CFAP161: variants seen among roughly 807,000 people sequenced by gnomAD.
The protein encoded by CFAP161 is cilia and flagella associated protein 161, also known as cilia- and flagella-associated protein 161.
In CFAP161, 25 loss-of-function variants were observed where a neutral mutation model predicts 29.0. The observed-to-expected ratio is 0.86, with a 90% CI of 0.63 to 1.20. The LOEUF is 1.20. Among genes scored for constraint, CFAP161 ranks in the 50% most tolerant of loss-of-function variants. The pLI is 0.00. For synonymous variants in CFAP161, 116 were observed against 137.4 expected (o/e 0.84, Z 1.09); for missense variants, 367 against 371.9 (o/e 0.99, Z 0.11).
upstream of CFAP161, among the ~76,000 whole-genome samples, chr15:81,133,207 A>G (rs1282596839): frequency 4.2e-3 from 193 of 46,014 alleles, 10 homozygotes; most frequent in Middle Eastern, 7.7e-3. Flanking sequence ...ATATATATAT[A>G]TATATATATA....
rs1566979472 is a variant in CFAP161, at chr15:81,147,848, ATC to A, written c.637-8_637-7del. 7.0e-6 allele frequency: 11 copies of A among 1,580,042 alleles called. No homozygotes were observed. The highest frequency in any genetic ancestry group is 3.3e-4 in the Middle Eastern group (2 of 5,992). ...AGAATGCTAATAACACATTTTCTTT[ATC>A]TGTTAAGGCAAATGCTAAAATTCTC... On this transcript the variant is annotated splice_polypyrimidine_tract_variant and splice_region_variant and intron_variant, in intron 5 of 6. Transcript: ENST00000286732.
upstream of CFAP161, among the ~76,000 whole-genome samples, chr15:81,130,655 G>A (rs544272522): frequency 1.6e-4 from 24 of 152,304 alleles, no homozygotes; most frequent in South Asian, 2.9e-3. Flanking sequence ...AGCCAAGATC[G>A]TGCCACTGCA....
chr15:81,139,641 G>A (rs1333541261), intron 4 of CFAP161, among the ~76,000 whole-genome samples: 1 of 152,152 alleles, frequency 6.6e-6, no homozygotes, highest in East Asian at 1.9e-4. Context: ...CTTTTGGGCA[G>A]TTGGGTTTGG....
chr15:81,139,454 A>G (rs191706331), intron 4 of CFAP161, among the ~76,000 whole-genome samples: 4 of 152,318 alleles, frequency 2.6e-5, no homozygotes, highest in African/African-American at 9.6e-5. Context: ...TAGCACCATT[A>G]ACATTTTGGT....
At chr15:81,113,027 A>G (rs1894456868) in intron 1 of CFAP161, among the ~76,000 whole-genome samples, 1 of 152,240 alleles carries the variant, frequency 6.6e-6, no homozygotes, top group African/African-American at 2.4e-5. Context: ...AATCACATGT[A>G]AAATGAATAT....
intron 1 of CFAP161, among the ~76,000 whole-genome samples, chr15:81,124,674 C>T (rs1894618266): frequency 6.6e-6 from 1 of 152,020 alleles, no homozygotes; most frequent in Non-Finnish European, 1.5e-5. Flanking sequence ...CTAATTACTG[C>T]CTCAATTTCG....
At chr15:81,108,321 T>C (rs1489257183) in intron 1 of CFAP161, among the ~76,000 whole-genome samples, 1 of 151,384 alleles carries the variant, frequency 6.6e-6, no homozygotes, top group African/African-American at 2.5e-5. Flanking sequence ...TATATTTTTC[T>C]GAAGCCATAA....
At chr15:81,128,218 TG>T (rs1421370513) in intron 2 of CFAP161, among the ~76,000 whole-genome samples, 1 of 152,218 alleles carries the variant, frequency 6.6e-6, no homozygotes, top group Non-Finnish European at 1.5e-5. Flanking sequence ...TTAGTGACTC[TG>T]TTTTAATTCT....
intron 1 of CFAP161, among the ~76,000 whole-genome samples, chr15:81,108,830 G>A (rs11635219): frequency 0.019 from 2,839 of 152,302 alleles, 37 homozygotes; most frequent in Non-Finnish European, 0.028. Context: ...TAGTCCAGCT[G>A]TAAAGAATTG....
chr15:81,115,117 A>G (rs1239926335), intron 1 of CFAP161, among the ~76,000 whole-genome samples: 2 of 152,170 alleles, frequency 1.3e-5, no homozygotes, highest in Non-Finnish European at 2.9e-5. Flanking sequence ...ACTTTTGTGC[A>G]AGGTTGTGGT....
At chr15:81,103,265 T>A (rs1315782844) in intron 1 of CFAP161, among the ~76,000 whole-genome samples, 1 of 152,210 alleles carries the variant, frequency 6.6e-6, no homozygotes, top group African/African-American at 2.4e-5. Context: ...GGCTCATAAC[T>A]CCCATAACAC....
chr15:81,100,704 C>CTCTCTA (rs373427489), intron 1 of CFAP161, among the ~76,000 whole-genome samples: 175 of 148,650 alleles, frequency 1.2e-3, no homozygotes, highest in Middle Eastern at 3.3e-3. Context: ...CTCTCTCTCT[C>CTCTCTA]TTTTTTTTTT....
At position 81,108,464 on chromosome 15, in the gene CFAP161, G is replaced by A. The variant is rs142300722; in HGVS notation, c.-141-19126G>A. On this transcript the variant is annotated intron_variant, in intron 1 of 4. Coordinates refer to the CFAP161 transcript ENST00000560091. ...AAAGGCCCTGGACAAAAAGTCAAGT[G>A]ACATTAATTCTAGCCCCTGCTCTTC... is the stretch of plus-strand genomic sequence containing the variant. Among the ~76,000 whole-genome samples, 73 of 152,192 alleles carry A rather than the reference G, an allele frequency of 4.8e-4. 1 individual carries two copies. Among genetic ancestry groups the A allele is most frequent in the African/African-American group, 1.5e-3 (64 of 41,538 alleles).
chr15:81,137,552 C>T (rs1404286102), intron 3 of CFAP161, among the ~76,000 whole-genome samples: 1 of 152,264 alleles, frequency 6.6e-6, no homozygotes, highest in East Asian at 1.9e-4. Context: ...GCCAAGATTG[C>T]ACCACTGAAC....
At chr15:81,110,027 T>A (rs184368138) in intron 1 of CFAP161, among the ~76,000 whole-genome samples, 2 of 152,310 alleles carry the variant, frequency 1.3e-5, no homozygotes, top group East Asian at 3.9e-4. Context: ...GCAGAATCCA[T>A]GTAGCTCTGA....
At chr15:81,100,556 T>C (rs1176918657) in intron 1 of CFAP161, among the ~76,000 whole-genome samples, 3 of 152,164 alleles carry the variant, frequency 2.0e-5, no homozygotes, top group African/African-American at 7.2e-5. Flanking sequence ...TTCCATTGCC[T>C]ACAATTTTCT....
intron 1 of CFAP161, among the ~76,000 whole-genome samples, chr15:81,125,556 T>C (rs759700537): frequency 2.1e-4 from 32 of 152,236 alleles, no homozygotes; most frequent in Non-Finnish European, 3.8e-4. Flanking sequence ...AAGACATTTT[T>C]ATTTTTATGT....
At chr15:81,128,484 C>T (rs1894669084) in intron 2 of CFAP161, among the ~76,000 whole-genome samples, 1 of 152,228 alleles carries the variant, frequency 6.6e-6, no homozygotes, top group African/African-American at 2.4e-5. Context: ...CTCCTCAAGA[C>T]TGCAGCTCCA....
upstream of CFAP161, among the ~76,000 whole-genome samples, chr15:81,132,560 T>G (rs531846706): frequency 6.6e-6 from 1 of 152,284 alleles, no homozygotes; most frequent in African/African-American, 2.4e-5. Flanking sequence ...TTAAAGCAAT[T>G]GTATAAAACA....
Sources: allele counts gnomAD v4.1 joint callset (sites outside exome capture counted in the v4.1 genomes callset), GRCh38; gene constraint gnomAD v4.1.1; transcripts MANE v1.5; gene names NCBI Gene and HGNC (gene_info 2026-07-23, HGNC 2026-07-21).